The following OPCML variants were observed in gnomAD, a reference collection of about 807,000 sequenced individuals.
The protein encoded by OPCML is opioid binding protein/cell adhesion molecule like, also known as opioid-binding protein/cell adhesion molecule.
OPCML carries 13 observed loss-of-function variants against 37.8 expected under a neutral mutation model. The observed-to-expected ratio is 0.34, with a 90% CI of 0.22 to 0.55. OPCML has a LOEUF of 0.55. Ranked by LOEUF, OPCML falls within the 20% of genes least tolerant of loss-of-function variation. The pLI, the probability that OPCML is intolerant of heterozygous loss-of-function variation, is 0.91. For missense variants in OPCML, 341 were observed against 435.6 expected (o/e 0.78, Z 1.93); for synonymous variants, 176 against 168.8 (o/e 1.04, Z -0.33).
intron 2 of OPCML, among the ~76,000 whole-genome samples, chr11:132,800,400 G>A (rs554800324): frequency 2.0e-5 from 3 of 152,168 alleles, no homozygotes; most frequent in Non-Finnish European, 4.4e-5. Context: ...GTTTATGTTT[G>A]TTTGTTTGTT....
chr11:132,919,854 G>A (rs1377935223), intron 2 of OPCML, among the ~76,000 whole-genome samples: 1 of 152,202 alleles, frequency 6.6e-6, no homozygotes, highest in Non-Finnish European at 1.5e-5. Context: ...GGAAGTGAGT[G>A]AATGAAAGAA....
At chr11:133,282,207 C>T (rs1177059273) in intron 1 of OPCML, among the ~76,000 whole-genome samples, 5 of 152,134 alleles carry the variant, frequency 3.3e-5, no homozygotes, top group Admixed American at 2.6e-4. Context: ...CGGCCCTTCC[C>T]ATCACAGACC....
At chr11:132,804,526 TG>T in intron 2 of OPCML, among the ~76,000 whole-genome samples, 1 of 152,262 alleles carries the variant, frequency 6.6e-6, no homozygotes, top group Middle Eastern at 3.4e-3. Flanking sequence ...AATGCACTGC[TG>T]GGGAAAATGC....
At chr11:132,645,058 C>T (rs1238697295) in intron 3 of OPCML, among the ~76,000 whole-genome samples, 6 of 152,220 alleles carry the variant, frequency 3.9e-5, no homozygotes, top group African/African-American at 1.4e-4. Flanking sequence ...AGGCTGGGTC[C>T]CTGCACTTCC....
At chr11:133,326,082 A>G (rs1943441036) in intron 1 of OPCML, among the ~76,000 whole-genome samples, 1 of 152,086 alleles carries the variant, frequency 6.6e-6, no homozygotes, top group African/African-American at 2.4e-5. Context: ...TGTTTTTCTC[A>G]GCAAAACTGA....
intron 1 of OPCML, among the ~76,000 whole-genome samples, chr11:132,957,268 C>G (rs58025086): frequency 0.16 from 23,812 of 151,136 alleles, 2,523 homozygotes; most frequent in African/African-American, 0.31. Flanking sequence ...CTTCCTTCCA[C>G]CTCCAGGCAT....
At chr11:132,533,772 C>T (rs36024678) in intron 3 of OPCML, among the ~76,000 whole-genome samples, 6,055 of 152,196 alleles carry the variant, frequency 0.04, 177 homozygotes, top group Non-Finnish European at 0.063. Context: ...AAAACCCATT[C>T]CCACACCTAT....
intron 4 of OPCML, among the ~76,000 whole-genome samples, chr11:132,509,574 G>C (rs974109476): frequency 6.6e-6 from 1 of 152,216 alleles, no homozygotes; most frequent in South Asian, 2.1e-4. Flanking sequence ...TTGGTGCCCT[G>C]TGTCGCAGCT....
At chr11:132,697,592 T>C (rs2917565) in intron 2 of OPCML, among the ~76,000 whole-genome samples, 73,903 of 151,982 alleles carry the variant, frequency 0.49, 18,151 homozygotes, top group Admixed American at 0.56. Context: ...TCCATCCATG[T>C]TGTCACAGCC....
chr11:132,494,701 C>G, intron 4 of OPCML, among the ~76,000 whole-genome samples: 1 of 152,156 alleles, frequency 6.6e-6, no homozygotes, highest in East Asian at 1.9e-4. Context: ...CATGGCCATT[C>G]TGTAAGAGGG....
chr11:133,460,784 C>A (rs191452880), intron 1 of OPCML, among the ~76,000 whole-genome samples: 58 of 151,942 alleles, frequency 3.8e-4, no homozygotes, highest in African/African-American at 1.3e-3. Context: ...CACCTTAAAC[C>A]GTTCCAAAAA....
intron 4 of OPCML, among the ~76,000 whole-genome samples, chr11:132,526,984 C>G (rs914006965): frequency 6.6e-6 from 1 of 152,080 alleles, no homozygotes; most frequent in Non-Finnish European, 1.5e-5. Flanking sequence ...ATTCATACAG[C>G]ATGTATTTTT....
At chr11:132,769,606 G>T in intron 2 of OPCML, among the ~76,000 whole-genome samples, 1 of 152,190 alleles carries the variant, frequency 6.6e-6, no homozygotes, top group East Asian at 1.9e-4. Context: ...AGTAGACGCT[G>T]CCTTTGGGTG....
rs369540194 is a variant in OPCML, at chr11:133,241,671, TC to T, written c.61+290592del. Among the ~76,000 whole-genome samples the T allele has an allele frequency of 1.7e-3, 255 of 152,330 alleles. 1 individual carries two copies. The highest frequency in any genetic ancestry group is 5.8e-3 in the African/African-American group (242 of 41,556). ...AGATCATAGGTAATGTAGTTCACCT[TC>T]CCTCCTAATGTAAGGATTCCTTTGG... On this transcript the variant is annotated intron_variant, in intron 1 of 7. Coordinates refer to ENST00000524381, the MANE Select transcript of OPCML (RefSeq NM_001012393.5).
intron 1 of OPCML, among the ~76,000 whole-genome samples, chr11:133,349,029 A>G (rs1304924810): frequency 6.6e-6 from 1 of 151,856 alleles, no homozygotes; most frequent in East Asian, 1.9e-4. Flanking sequence ...GACTTTTCTG[A>G]CTCCCTTTCT....
intron 1 of OPCML, among the ~76,000 whole-genome samples, chr11:133,100,133 G>T (rs1483003744): frequency 6.6e-6 from 1 of 152,170 alleles, no homozygotes; most frequent in East Asian, 1.9e-4. Context: ...TACACATGGG[G>T]ACAAAGATGG....
intron 2 of OPCML, among the ~76,000 whole-genome samples, chr11:132,700,363 A>G (rs1052059379): frequency 2.0e-5 from 3 of 152,004 alleles, no homozygotes; most frequent in African/African-American, 7.2e-5. Context: ...TCTAGTACCT[A>G]TAGGCATAAA....
intron 2 of OPCML, among the ~76,000 whole-genome samples, chr11:132,870,027 C>G (rs147038408): frequency 1.3e-3 from 200 of 152,144 alleles, no homozygotes; most frequent in Non-Finnish European, 2.1e-3. Flanking sequence ...TGTAACGCCC[C>G]TTCCCTCCTA....
intron 3 of OPCML, among the ~76,000 whole-genome samples, chr11:132,611,886 G>C (rs923982788): frequency 5.3e-5 from 8 of 152,136 alleles, no homozygotes; most frequent in African/African-American, 1.7e-4. Flanking sequence ...GACAGTCCCA[G>C]GCAAACCTTG....
Sources: gnomAD v4.1 joint callset for allele counts (sites outside exome capture counted in the v4.1 genomes callset) on GRCh38, gnomAD v4.1.1 for gene constraint, MANE v1.5 for transcripts, NCBI Gene and HGNC (gene_info 2026-07-23, HGNC 2026-07-21) for gene names.